The following TPD52 variants were observed in gnomAD, a reference collection of about 807,000 sequenced individuals.
TPD52 encodes tumor protein D52, also known as prostate and colon associated protein.
A neutral mutation model predicts 31.3 loss-of-function variants in TPD52; 17 were observed. That is an observed-to-expected ratio of 0.54 (90% CI 0.37 to 0.82). The LOEUF is 0.82. Ranked by LOEUF, TPD52 falls within the 40% of genes least tolerant of loss-of-function variation. The pLI is 0.00. For missense variants in TPD52, 212 were observed against 240.1 expected (o/e 0.88, Z 0.77); for synonymous variants, 83 against 89.6 (o/e 0.93, Z 0.42).
chr8:80,058,972 C>T (rs1159688871), intron 2 of TPD52, among the ~76,000 whole-genome samples: 1 of 152,148 alleles, frequency 6.6e-6, no homozygotes, highest in African/African-American at 2.4e-5. Flanking sequence ...CTGGACCTAA[C>T]ACATATATGT....
Position 80,038,214 on chromosome 8 carries a change from G to C in TPD52, c.526C>G (p.Pro176Ala). The C allele has an allele frequency of 6.2e-7, 1 of 1,613,964 alleles. No individual in the cohort carries two copies. Among genetic ancestry groups the C allele is most frequent in the Non-Finnish European group, 8.5e-7 (1 of 1,179,936 alleles). ...ACTTCTCCAAAATCACCACCAGCAG[G>C]CTTGGTTCCCCCTACTTTAGACTTA... ...NLKSKVGGTK[P>A]AGGDFGEVLN... The change falls in exon 8 of 8, where the codon CCT becomes GCT. Residue 176 changes from proline (P) to alanine (A), a missense_variant. By Grantham distance (27) the Pro-to-Ala change is conservative. Coordinates refer to ENST00000518937, the MANE Select transcript of TPD52 (RefSeq NM_001025253.3).
chr8:80,162,667 G>A (rs540206686), intron 1 of TPD52, among the ~76,000 whole-genome samples: 47 of 152,086 alleles, frequency 3.1e-4, no homozygotes, highest in African/African-American at 7.2e-4. Context: ...GGCAATTTAC[G>A]TAATAAGAAA....
chr8:80,120,660 T>C (rs1456089851), intron 1 of TPD52, among the ~76,000 whole-genome samples: 1 of 152,178 alleles, frequency 6.6e-6, no homozygotes, highest in East Asian at 1.9e-4. Flanking sequence ...GTTAGCAATA[T>C]AAACAGAATG....
At chr8:80,071,151 C>A (rs976123302) in intron 1 of TPD52, among the ~76,000 whole-genome samples, 2 of 152,150 alleles carry the variant, frequency 1.3e-5, no homozygotes, top group Non-Finnish European at 2.9e-5. Flanking sequence ...CAAGACCCTG[C>A]CAACGCCTTC....
intron 1 of TPD52, among the ~76,000 whole-genome samples, chr8:80,125,739 G>A (rs1358063856): frequency 6.6e-6 from 1 of 152,148 alleles, no homozygotes; most frequent in East Asian, 1.9e-4. Flanking sequence ...AGACTCCTAA[G>A]TGATTAAAAT....
At chr8:80,098,271 T>C (rs776343264) in intron 1 of TPD52, among the ~76,000 whole-genome samples, 2 of 152,248 alleles carry the variant, frequency 1.3e-5, no homozygotes, top group Non-Finnish European at 2.9e-5. Flanking sequence ...TCAAGTCTTA[T>C]TATTTAAGAA....
At chr8:80,140,790 T>C (rs1232425862) in intron 1 of TPD52, among the ~76,000 whole-genome samples, 3 of 152,216 alleles carry the variant, frequency 2.0e-5, no homozygotes, top group Non-Finnish European at 4.4e-5. Context: ...CTTCTACTCC[T>C]GCACCACTTA....
At chr8:80,070,772 T>C (rs1173711330) in intron 1 of TPD52, among the ~76,000 whole-genome samples, 1 of 152,188 alleles carries the variant, frequency 6.6e-6, no homozygotes, top group Non-Finnish European at 1.5e-5. Context: ...AAAGACAAGA[T>C]GAGCTTTGAA....
At chr8:80,128,492 T>C (rs906916801) in intron 1 of TPD52, among the ~76,000 whole-genome samples, 1 of 17,434 alleles carries the variant, frequency 5.7e-5, no homozygotes, top group African/African-American at 5.2e-4. Flanking sequence ...ACCCTGTCTC[T>C]ACAAAAAAAA....
Position 80,037,357 on chromosome 8 carries a change from G to C in TPD52, c.*759C>G, listed in dbSNP as rs1347094422. ...TGTGCTTGATTCAGAATGTTATTTTGTAGAAATTAAAATTTTAACCTGGTG... is the reference window on the plus strand; with the variant it reads ...TGTGCTTGATTCAGAATGTTATTTTCTAGAAATTAAAATTTTAACCTGGTG... On this transcript the variant is annotated 3_prime_UTR_variant, in exon 8 of 8. Transcript: ENST00000518937. 2 of 152,120 alleles carry C rather than the reference G, an allele frequency of 1.3e-5. No individual in the cohort carries two copies. Among genetic ancestry groups the C allele is most frequent in the African/African-American group, 4.8e-5 (2 of 41,418 alleles). The allele number at this position is 152,120 out of a possible 1,614,324, so 9.4% of individuals were successfully genotyped here.
intron 1 of TPD52, among the ~76,000 whole-genome samples, chr8:80,107,622 G>C (rs1762178996): frequency 6.6e-6 from 1 of 152,102 alleles, no homozygotes; most frequent in Non-Finnish European, 1.5e-5. Flanking sequence ...GATATTTTCA[G>C]ATGGTATTAC....
chr8:80,102,937 G>C (rs1033103855), intron 1 of TPD52, among the ~76,000 whole-genome samples: 2 of 152,130 alleles, frequency 1.3e-5, no homozygotes, highest in Non-Finnish European at 2.9e-5. Context: ...ACAGTTCTGG[G>C]AGCTTCCAGA....
chr8:80,158,179 C>T (rs1185318979), intron 1 of TPD52, among the ~76,000 whole-genome samples: 17 of 151,702 alleles, frequency 1.1e-4, no homozygotes, highest in Admixed American at 9.8e-4. Context: ...TTTCCCTTTC[C>T]GGTTGCCTTC....
At chr8:80,051,662 A>C in intron 3 of TPD52, 34 bp from the exon 4 acceptor site, 1 of 1,504,650 alleles carries the variant, frequency 6.6e-7, no homozygotes. Flanking sequence ...GAGCAAAAGA[A>C]GGGTCAGCTC....
intron 1 of TPD52, among the ~76,000 whole-genome samples, chr8:80,096,379 A>G (rs187761922): frequency 6.6e-6 from 1 of 152,058 alleles, no homozygotes; most frequent in East Asian, 1.9e-4. Flanking sequence ...TGCTTGGACT[A>G]TGGTCAAGGC....
chr8:80,045,961 G>C (rs971742643), intron 5 of TPD52, among the ~76,000 whole-genome samples: 1 of 152,132 alleles, frequency 6.6e-6, no homozygotes, highest in Non-Finnish European at 1.5e-5. Context: ...CCCACACATT[G>C]AATTTGGTAG....
chr8:80,042,511 C>T (rs1586135303), intron 7 of TPD52, 109 bp downstream of exon 7: 9 of 1,506,012 alleles, frequency 6.0e-6, no homozygotes, highest in Non-Finnish European at 8.0e-6. Flanking sequence ...TATTTACATT[C>T]TTTAGATATT....
At chr8:80,056,906 C>T (rs1054884404) in intron 2 of TPD52, among the ~76,000 whole-genome samples, 11 of 152,136 alleles carry the variant, frequency 7.2e-5, no homozygotes, top group African/African-American at 2.7e-4. Flanking sequence ...CAATGGCTCA[C>T]GGCTGTAATC....
intron 2 of TPD52, among the ~76,000 whole-genome samples, chr8:80,057,584 A>C (rs894820820): frequency 6.6e-6 from 1 of 152,164 alleles, no homozygotes; most frequent in African/African-American, 2.4e-5. Flanking sequence ...ACCAAATACC[A>C]CATGTTCTGA....
Sources: gnomAD v4.1 joint callset for allele counts (sites outside exome capture counted in the v4.1 genomes callset) on GRCh38, gnomAD v4.1.1 for gene constraint, MANE v1.5 for transcripts, NCBI Gene and HGNC (gene_info 2026-07-23, HGNC 2026-07-21) for gene names.